The following MDGA2 variants were observed in gnomAD, a reference collection of about 807,000 sequenced individuals.
MDGA2 encodes MAM domain-containing glycosylphosphatidylinositol anchor protein 2.
MDGA2 carries 40 observed loss-of-function variants against 117.8 expected under a neutral mutation model. That is an observed-to-expected ratio of 0.34 (90% confidence interval 0.26 to 0.44). The LOEUF (loss-of-function observed/expected upper bound fraction) is 0.44, where lower values mean the gene tolerates loss of function less well. Ranked by LOEUF, MDGA2 falls within the 20% of genes least tolerant of loss-of-function variation. The probability of loss-of-function intolerance (pLI) is 1.00; values close to 1 mark genes in which losing one functional copy is unlikely to be tolerated. For missense variants in MDGA2, 1,123 were observed against 1,250.6 expected, an observed-to-expected ratio of 0.90 and a Z score of 1.54; for synonymous variants, 452 against 439.0, an observed-to-expected ratio of 1.03 and a Z score of -0.37.
At chr14:47,649,727 TA>T (rs1897603705) in intron 1 of MDGA2, among the ~76,000 whole-genome samples, 6 of 151,092 alleles carry the variant, frequency 4.0e-5, no homozygotes, top group African/African-American at 1.5e-4. Flanking sequence ...ACCCCACAAA[TA>T]TATAGAGCAT....
At chr14:47,355,962 C>T (rs1890985128) in intron 1 of MDGA2, among the ~76,000 whole-genome samples, 1 of 152,178 alleles carries the variant, frequency 6.6e-6, no homozygotes, top group Admixed American at 6.5e-5. Context: ...CTCCCAAACC[C>T]CACTGAGGTA....
In MDGA2 at chr14:46,866,143, A is replaced by G. The variant is rs557784940; in HGVS notation, c.2752+7290T>C. ...ATCACACTACCTGACTTCAAACTAT[A>G]CTTCAAGGCTACAGTAACCAAAACA... is the stretch of plus-strand genomic sequence containing the variant. On this transcript the variant is annotated intron_variant, in intron 14 of 16. Coordinates refer to ENST00000399232, the MANE Select transcript of MDGA2 (RefSeq NM_001113498.3). Among the ~76,000 whole-genome samples the G allele has an allele frequency of 5.0e-3, 745 of 150,428 alleles. 7 individuals are homozygous for G. The highest frequency in any genetic ancestry group is 0.017 in the African/African-American group (690 of 40,898).
At chr14:47,192,466 T>A (rs1885150517) in intron 3 of MDGA2, among the ~76,000 whole-genome samples, 1 of 151,734 alleles carries the variant, frequency 6.6e-6, no homozygotes, top group African/African-American at 2.4e-5. Flanking sequence ...AATACAAAAA[T>A]TAGCCTGGTG....
chr14:47,491,623 T>C (rs1011401133), intron 1 of MDGA2, among the ~76,000 whole-genome samples: 2 of 152,090 alleles, frequency 1.3e-5, no homozygotes, highest in African/African-American at 4.8e-5. Context: ...AGTTGTTTTG[T>C]TTTTGCTTTT....
At chr14:47,015,772 C>T (rs868403299) in intron 8 of MDGA2, among the ~76,000 whole-genome samples, 5 of 151,974 alleles carry the variant, frequency 3.3e-5, no homozygotes, top group African/African-American at 1.2e-4. Context: ...AAGAATGTAA[C>T]ATATGCTTCC....
chr14:47,358,678 C>A (rs1891047643), intron 1 of MDGA2, among the ~76,000 whole-genome samples: 1 of 151,860 alleles, frequency 6.6e-6, no homozygotes, highest in African/African-American at 2.4e-5. Flanking sequence ...AAGACTTATG[C>A]AAAAAATAAG....
At chr14:47,276,056 C>A (rs1339061150) in intron 2 of MDGA2, among the ~76,000 whole-genome samples, 3 of 152,146 alleles carry the variant, frequency 2.0e-5, no homozygotes, top group Non-Finnish European at 2.9e-5. Context: ...GTGATAAACA[C>A]CTCTGTCAAG....
chr14:46,851,224 G>GT (rs1412644015), intron 15 of MDGA2, among the ~76,000 whole-genome samples: 1 of 151,736 alleles, frequency 6.6e-6, no homozygotes, highest in Admixed American at 6.6e-5. Context: ...AGAGCATCTT[G>GT]TGTCTCACAA....
At chr14:47,622,647 G>C (rs543546092) in intron 1 of MDGA2, among the ~76,000 whole-genome samples, 1 of 152,202 alleles carries the variant, frequency 6.6e-6, no homozygotes, top group Non-Finnish European at 1.5e-5. Context: ...AGTTGCATGA[G>C]GTCTGATGCA....
chr14:47,043,692 G>C (rs767426793), intron 7 of MDGA2, among the ~76,000 whole-genome samples: 3 of 151,918 alleles, frequency 2.0e-5, no homozygotes, highest in Non-Finnish European at 2.9e-5. Flanking sequence ...CATCTTATTT[G>C]TCAAACCTTA....
intron 1 of MDGA2, among the ~76,000 whole-genome samples, chr14:47,671,546 T>C (rs534008353): frequency 2.6e-4 from 39 of 152,170 alleles, no homozygotes; most frequent in Non-Finnish European, 4.6e-4. Context: ...CTGAGTAACC[T>C]AGAAAATCAT....
In MDGA2 at chr14:47,445,077, T is replaced by C. The variant is rs1235657704; in HGVS notation, c.281-143527A>G. On this transcript the variant is annotated intron_variant, in intron 1 of 16. Coordinates refer to ENST00000399232, the MANE Select transcript of MDGA2 (RefSeq NM_001113498.3). ...GCATGGAGAGAGAAAGTGGAAAAGA[T>C]GGTTAGTGTAAAGGTAAGTGCTAAA... Among the ~76,000 whole-genome samples, 4 of 152,210 alleles carry C rather than the reference T, an allele frequency of 2.6e-5. No homozygotes were observed. In the East Asian group the frequency reaches 5.8e-4, roughly 22 times the overall value.
intron 15 of MDGA2, among the ~76,000 whole-genome samples, chr14:46,850,680 T>A (rs894347061): frequency 3.9e-5 from 6 of 151,932 alleles, no homozygotes; most frequent in Non-Finnish European, 8.8e-5. Flanking sequence ...AGAGACAGCA[T>A]AATAGACATA....
chr14:47,297,984 G>C (rs1889135988), intron 2 of MDGA2, among the ~76,000 whole-genome samples: 1 of 152,038 alleles, frequency 6.6e-6, no homozygotes, highest in Non-Finnish European at 1.5e-5. Context: ...AGTTGTATTT[G>C]TATGTGTGTG....
At chr14:47,475,961 T>C (rs910485523) in intron 1 of MDGA2, among the ~76,000 whole-genome samples, 1 of 152,172 alleles carries the variant, frequency 6.6e-6, no homozygotes, top group Non-Finnish European at 1.5e-5. Context: ...TTTTCACCTA[T>C]GCAACAAACC....
intron 9 of MDGA2, among the ~76,000 whole-genome samples, chr14:46,956,327 G>C (rs1885560337): frequency 2.6e-5 from 4 of 151,570 alleles, no homozygotes; most frequent in Admixed American, 2.6e-4. Context: ...TTCCTAATTT[G>C]TCACTCATAA....
At chr14:47,141,253 A>C (rs1367301618) in intron 4 of MDGA2, among the ~76,000 whole-genome samples, 2 of 152,214 alleles carry the variant, frequency 1.3e-5, no homozygotes, top group East Asian at 3.9e-4. Flanking sequence ...TCAAAAAATT[A>C]AAAATAGAGC....
intron 1 of MDGA2, among the ~76,000 whole-genome samples, chr14:47,670,392 C>T (rs1190296072): frequency 1.3e-5 from 2 of 152,070 alleles, no homozygotes; most frequent in Non-Finnish European, 2.9e-5. Flanking sequence ...GCATGATGAC[C>T]AGAAGTAAAA....
rs556794891 is a variant in MDGA2 at position 47,425,954 on chromosome 14, T to C, written c.281-124404A>G. ...TTGGATTTTTAATGAATGCCCTTTT[T>C]CTGTTCCAGAATCCATCCCAGGATC... On this transcript the variant is annotated intron_variant, in intron 1 of 16. Coordinates refer to ENST00000399232, the MANE Select transcript of MDGA2 (RefSeq NM_001113498.3). Among the ~76,000 whole-genome samples the C allele has an allele frequency of 2.0e-5, 3 of 152,154 alleles. No homozygotes were observed. The East Asian group carries it at 5.8e-4, about 29-fold the overall frequency.
Sources: gnomAD v4.1 joint callset for allele counts (sites outside exome capture counted in the v4.1 genomes callset) on GRCh38, gnomAD v4.1.1 for gene constraint, MANE v1.5 for transcripts, NCBI Gene and HGNC (gene_info 2026-07-23, HGNC 2026-07-21) for gene names.